LEMD3: variants seen among roughly 807,000 people sequenced by gnomAD.
LEMD3 encodes LEM domain containing 3.
LEMD3 carries 33 observed loss-of-function variants against 95.2 expected under a neutral mutation model. That is an observed-to-expected ratio of 0.35 (90% CI 0.26 to 0.46). The LOEUF (loss-of-function observed/expected upper bound fraction) is 0.46, where lower values mean the gene tolerates loss of function less well. Ranked by LOEUF, LEMD3 falls within the 20% of genes least tolerant of loss-of-function variation. LEMD3 has a pLI of 1.00. For synonymous variants in LEMD3, 525 were observed against 474.6 expected (o/e 1.11, Z -1.38); for missense variants, 1,210 against 1,192.8 (o/e 1.01, Z -0.21).
At chr12:65,219,045 G>A (rs963301480) in intron 4 of LEMD3, among the ~76,000 whole-genome samples, 4 of 152,082 alleles carry the variant, frequency 2.6e-5, no homozygotes, top group African/African-American at 9.7e-5. Context: ...GCATGCCTTG[G>A]CCTCCCAAAG....
intron 4 of LEMD3, among the ~76,000 whole-genome samples, chr12:65,234,015 G>A (rs1298370381): frequency 1.3e-5 from 2 of 152,182 alleles, no homozygotes; most frequent in Admixed American, 1.3e-4. Flanking sequence ...TAAGTAAATA[G>A]TAATAAACAA....
Position 65,170,786 on chromosome 12 carries a change from C to A in LEMD3, c.1190C>A (p.Ala397Asp). ...ACCAATAATCATATTGGCGGTGGGGCCTTCAGTGTGGACTCCCCCAGGATT... is the reference window on the plus strand; with the variant it reads ...ACCAATAATCATATTGGCGGTGGGGACTTCAGTGTGGACTCCCCCAGGATT... ...LKTNNHIGGG[A>D]FSVDSPRIYS... Residue 397 changes from alanine (A) to aspartate (D), a missense_variant, in exon 1 of 13, where the codon GCC (alanine) becomes GAC (aspartate). By Grantham distance (126) the Ala-to-Asp change is moderately radical. Around this residue, in one of 2 missense-constraint regions of LEMD3, gnomAD observed 749 missense variants for 622.9 expected, o/e 1.20. Transcript: ENST00000308330. The A allele has an allele frequency of 6.2e-7, 1 of 1,614,162 alleles. No homozygotes were observed. The highest frequency in any genetic ancestry group is 1.1e-5 in the South Asian group (1 of 91,082).
intron 3 of LEMD3, among the ~76,000 whole-genome samples, chr12:65,218,203 C>T (rs944322449): frequency 1.3e-5 from 2 of 152,104 alleles, no homozygotes; most frequent in African/African-American, 4.8e-5. Context: ...GTCTTGTGTG[C>T]CAAGATCTGT....
At chr12:65,184,034 C>T (rs1868986349) in intron 1 of LEMD3, among the ~76,000 whole-genome samples, 1 of 152,094 alleles carries the variant, frequency 6.6e-6, no homozygotes, top group African/African-American at 2.4e-5. Flanking sequence ...AAACTTTTGT[C>T]TGGATGAAGA....
Position 65,210,849 on chromosome 12 carries a change from G to T in LEMD3, c.1523-77G>T. 6.6e-6 allele frequency: 7 copies of T among 1,062,834 alleles called. No homozygotes were observed. The South Asian group carries it at 8.7e-5, about 13-fold the overall frequency. The allele number at this position is 1,062,834 out of a possible 1,614,324, so 65.8% of individuals were successfully genotyped here. A position where few individuals can be genotyped will look rare whatever the true frequency, so the allele number is the denominator to read the frequency against. On this transcript the variant is annotated intron_variant, in intron 1 of 12. Coordinates refer to ENST00000308330, the MANE Select transcript of LEMD3 (RefSeq NM_014319.5). ...TCCAGTTTTAGCAAAGTACATGCTG[G>T]CATTTCAGAGAGTTTGTTTGGGGGA...
intron 4 of LEMD3, among the ~76,000 whole-genome samples, chr12:65,224,367 G>A (rs1870385370): frequency 6.6e-6 from 1 of 152,120 alleles, no homozygotes; most frequent in South Asian, 2.1e-4. Flanking sequence ...TGGATATGTA[G>A]TAGTCCCCTT....
At chr12:65,235,653 G>A (rs1282355752) in intron 4 of LEMD3, among the ~76,000 whole-genome samples, 2 of 152,114 alleles carry the variant, frequency 1.3e-5, no homozygotes, top group African/African-American at 4.8e-5. Context: ...TAGGTTATAT[G>A]CAAATACTAT....
chr12:65,211,038 TA>T (rs995617634), intron 2 of LEMD3, 75 bp downstream of exon 2: 106 of 1,057,194 alleles, frequency 1.0e-4, no homozygotes, highest in Non-Finnish European at 1.2e-4. Context: ...GACTATCAAC[TA>T]AAAAAAAGTA....
chr12:65,215,560 C>CA (rs1174964177), intron 2 of LEMD3, among the ~76,000 whole-genome samples: 6 of 152,166 alleles, frequency 3.9e-5, no homozygotes, highest in African/African-American at 1.4e-4. Context: ...TGCCAGTACT[C>CA]ATTCCCTTAG....
At chr12:65,212,205 G>A (rs993686383) in intron 2 of LEMD3, among the ~76,000 whole-genome samples, 4 of 151,868 alleles carry the variant, frequency 2.6e-5, no homozygotes, top group Non-Finnish European at 5.9e-5. Context: ...ATAGCATGGG[G>A]AAAAAAACCC....
In LEMD3 at chr12:65,217,600, G is replaced by A. The variant is rs575669435; in HGVS notation, c.1628-952G>A. Among the ~76,000 whole-genome samples, 19 of 152,218 alleles carry A rather than the reference G, an allele frequency of 1.2e-4. No homozygotes were observed. The South Asian group carries it at 3.5e-3, about 28-fold the overall frequency. On this transcript the variant is annotated intron_variant, in intron 3 of 12. Coordinates refer to ENST00000308330, the MANE Select transcript of LEMD3 (RefSeq NM_014319.5). ...TTAACTACTTGAAAGACACAGGGAA[G>A]GGAAAACATGACAATTGGAGTTCAA...
intron 1 of LEMD3, among the ~76,000 whole-genome samples, chr12:65,199,481 C>G (rs1294163575): frequency 6.6e-6 from 1 of 151,802 alleles, no homozygotes; most frequent in African/African-American, 2.4e-5. Flanking sequence ...GACACAAGAT[C>G]TTATATTTTA....
At chr12:65,220,757 A>G (rs1438588479) in intron 4 of LEMD3, among the ~76,000 whole-genome samples, 3 of 152,198 alleles carry the variant, frequency 2.0e-5, no homozygotes, top group South Asian at 2.1e-4. Context: ...ACGGTATAAG[A>G]TAAAGGTCCA....
intron 2 of LEMD3, among the ~76,000 whole-genome samples, chr12:65,213,532 A>C (rs577691829): frequency 4.5e-4 from 69 of 152,118 alleles, no homozygotes; most frequent in Non-Finnish European, 8.1e-4. Context: ...GCCTTAAATA[A>C]ATTTTCATTG....
chr12:65,229,172 C>T (rs1432463045), intron 4 of LEMD3, among the ~76,000 whole-genome samples: 1 of 152,054 alleles, frequency 6.6e-6, no homozygotes, highest in Admixed American at 6.5e-5. Flanking sequence ...TGGCTTATTT[C>T]ACTTAACATA....
intron 10 of LEMD3, among the ~76,000 whole-genome samples, chr12:65,244,458 C>G (rs1405175120): frequency 6.6e-6 from 1 of 152,162 alleles, no homozygotes; most frequent in Non-Finnish European, 1.5e-5. Flanking sequence ...TCACTTTCCT[C>G]TCTCTCCTGC....
At chr12:65,231,034 T>G (rs1157756235) in intron 4 of LEMD3, among the ~76,000 whole-genome samples, 1 of 152,206 alleles carries the variant, frequency 6.6e-6, no homozygotes, top group Non-Finnish European at 1.5e-5. Flanking sequence ...ATTTTATGTT[T>G]CATATTCGGT....
intron 1 of LEMD3, among the ~76,000 whole-genome samples, chr12:65,188,234 A>G (rs1869126639): frequency 6.6e-6 from 1 of 152,146 alleles, no homozygotes. Context: ...ATACATTTTA[A>G]ACATTAAAAT....
At chr12:65,183,938 G>A (rs984439306) in intron 1 of LEMD3, among the ~76,000 whole-genome samples, 2 of 152,112 alleles carry the variant, frequency 1.3e-5, no homozygotes, top group African/African-American at 4.8e-5. Flanking sequence ...ATGGAGAGAT[G>A]GCTCTTTGAG....
Sources: gnomAD v4.1 joint callset for allele counts (sites outside exome capture counted in the v4.1 genomes callset) on GRCh38, gnomAD v4.1.1 for gene constraint, gnomAD v4.1.1 regional missense constraint, MANE v1.5 for transcripts, NCBI Gene and HGNC (gene_info 2026-07-23, HGNC 2026-07-21) for gene names.